Variants in ZNF717 observed in about 807,000 individuals in gnomAD.
ZNF717 encodes zinc finger protein 717.
Under a neutral mutation model 13.8 loss-of-function variants are expected in ZNF717, and 9 were observed. The observed-to-expected ratio is 0.65, with a 90% CI of 0.39 to 1.14. The LOEUF is 1.14. Ranked by LOEUF, ZNF717 falls within the 50% of genes most tolerant of loss-of-function variation. The pLI, the probability that ZNF717 is intolerant of heterozygous loss-of-function variation, is 0.01. For missense variants in ZNF717, 1,040 were observed against 1,080.7 expected, an observed-to-expected ratio of 0.96 and a Z score of 0.53; for synonymous variants, 327 against 364.1, an observed-to-expected ratio of 0.90 and a Z score of 1.16.
At chr3:75,761,607 G>GATGT (rs1404015568) in intron 2 of ZNF717, among the ~76,000 whole-genome samples, 6 of 152,244 alleles carry the variant, frequency 3.9e-5, no homozygotes, top group African/African-American at 1.4e-4. Context: ...CAGACAACAG[G>GATGT]ATGTAATGTG....
chr3:75,720,286 C>A (rs1311482990), intron 4 of ZNF717, among the ~76,000 whole-genome samples: 48 of 152,206 alleles, frequency 3.2e-4, no homozygotes, highest in African/African-American at 1.1e-3. Flanking sequence ...ATATGTACAC[C>A]ATGGAATACT....
chr3:75,761,716 C>T (rs1416881956), intron 2 of ZNF717, among the ~76,000 whole-genome samples: 1 of 152,182 alleles, frequency 6.6e-6, no homozygotes, highest in African/African-American at 2.4e-5. Context: ...TTTCTGTAAA[C>T]TAACAATGAA....
downstream of ZNF717, among the ~76,000 whole-genome samples, chr3:75,731,092 T>C (rs1938510912): frequency 6.6e-6 from 1 of 151,800 alleles, no homozygotes. Context: ...AATACAAAAA[T>C]TAGGCTGGGC....
intron 2 of ZNF717, among the ~76,000 whole-genome samples, chr3:75,758,486 CTTAG>C (rs201440911): frequency 0.16 from 24,238 of 152,020 alleles, 1,899 homozygotes; most frequent in Non-Finnish European, 0.17. Context: ...AATACATAAA[CTTAG>C]TTGGTACAGC....
rs150000182 is a variant in ZNF717, at chr3:75,781,006, T to C, written c.57+2300A>G. On this transcript the variant is annotated intron_variant, in intron 2 of 4. Coordinates refer to ENST00000652011, the MANE Select transcript of ZNF717 (RefSeq NM_001290208.3). ...CAAGTAAGTACATTTGCAATGGTAA[T>C]AGTGACACCAGTGACTGAAGTTTTG... Among the ~76,000 whole-genome samples, 81 of 152,364 alleles carry C rather than the reference T, an allele frequency of 5.3e-4. No individual in the cohort carries two copies. The Middle Eastern group carries it at 0.01, about 19-fold the overall frequency.
downstream of ZNF717, among the ~76,000 whole-genome samples, chr3:75,731,004 A>C (rs1938503865): frequency 6.6e-6 from 1 of 151,890 alleles, no homozygotes; most frequent in Non-Finnish European, 1.5e-5. Flanking sequence ...ACTTTGGGAG[A>C]CCGAGGTGGG....
intron 2 of ZNF717, among the ~76,000 whole-genome samples, chr3:75,777,345 C>A (rs1330094005): frequency 4.0e-5 from 6 of 151,082 alleles, no homozygotes; most frequent in African/African-American, 1.5e-4. Context: ...AACCAGAAAC[C>A]AAAAACAAAT....
In ZNF717 at chr3:75,750,916, G is replaced by A. The variant is rs374892313; in HGVS notation, c.58-9180C>T. Among the ~76,000 whole-genome samples, 288 of 125,334 alleles carry A rather than the reference G, an allele frequency of 2.3e-3. 3 individuals are homozygous for A. Among genetic ancestry groups the A allele is most frequent in the African/African-American group, 7.4e-3 (254 of 34,136 alleles). 82.2% of individuals were successfully genotyped at this position (125,334 alleles called of 152,430 possible). A position where few individuals can be genotyped will look rare whatever the true frequency, so the allele number is the denominator to read the frequency against. On this transcript the variant is annotated intron_variant, in intron 2 of 4. Coordinates refer to ENST00000652011, the MANE Select transcript of ZNF717 (RefSeq NM_001290208.3). Reference sequence around the variant, plus strand: ...TCATGGGATTCCAGAACACTGTTACGAGGGTTTGAATGTTTGTCCCTCACA... The same window carrying A: ...TCATGGGATTCCAGAACACTGTTACAAGGGTTTGAATGTTTGTCCCTCACA...
At chr3:75,756,684 G>GT (rs1008221594) in intron 2 of ZNF717, among the ~76,000 whole-genome samples, 7 of 53,762 alleles carry the variant, frequency 1.3e-4, no homozygotes, top group East Asian at 4.5e-4. Context: ...TTTTTTTTCT[G>GT]TTTTTTTGAG....
At chr3:75,717,625 C>T (rs1417073608) in intron 4 of ZNF717, among the ~76,000 whole-genome samples, 2 of 152,060 alleles carry the variant, frequency 1.3e-5, no homozygotes, top group African/African-American at 4.8e-5. Flanking sequence ...GTGTGAGTGC[C>T]GGCATGTTGA....
rs1341200470 is a variant in ZNF717, at chr3:75,737,927, T to A, written c.1696A>T (p.Asn566Tyr). The A allele has an allele frequency of 1.0e-5, 16 of 1,550,952 alleles. No homozygotes were observed. The highest frequency in any genetic ancestry group is 1.4e-5 in the Non-Finnish European group (16 of 1,146,342). The change falls in exon 5 of 5, where the codon AAT becomes TAT. Residue 566 changes from asparagine (N) to tyrosine (Y), a missense_variant. Around this residue, in one of 3 missense-constraint regions of ZNF717, gnomAD observed 873 missense variants for 832.8 expected, o/e 1.05. Coordinates refer to ENST00000652011, the MANE Select transcript of ZNF717 (RefSeq NM_001290208.3). ...THTGEKPYEC[N>Y]ECGKSFHCKS... is the part of the protein sequence containing the mutation. ...CAGTGAAAGGATTTTCCACATTCATTACATTCATAGGGTTTTTCCCCTGTG... is the reference window on the plus strand; with the variant it reads ...CAGTGAAAGGATTTTCCACATTCATAACATTCATAGGGTTTTTCCCCTGTG...
At chr3:75,782,116 G>A (rs867860534) in intron 2 of ZNF717, among the ~76,000 whole-genome samples, 9 of 152,232 alleles carry the variant, frequency 5.9e-5, no homozygotes, top group African/African-American at 1.4e-4. Context: ...GCTCGGATAC[G>A]ACAGTTTCAA....
downstream of ZNF717, chr3:75,732,035 G>T (rs75946221): frequency 1.6e-5 from 11 of 702,496 alleles, no homozygotes; most frequent in East Asian, 2.7e-4. Flanking sequence ...CCAGTTATGA[G>T]GGAGCATAAT....
chr3:75,701,547 C>G (rs1254893672), intron 6 of ZNF717, among the ~76,000 whole-genome samples: 284 of 144,472 alleles, frequency 2.0e-3, no homozygotes, highest in African/African-American at 7.0e-3. Flanking sequence ...CAAAATTTAG[C>G]TGGGTGTGCG....
downstream of ZNF717, among the ~76,000 whole-genome samples, chr3:75,734,822 T>A (rs1293553802): frequency 0.02 from 641 of 31,946 alleles, 2 homozygotes; most frequent in African/African-American, 0.063. Flanking sequence ...TATATATTTT[T>A]TTTTTTTTTT....
At chr3:75,731,152 G>A (rs1293167774), downstream of ZNF717, among the ~76,000 whole-genome samples, 2 of 151,244 alleles carry the variant, frequency 1.3e-5, no homozygotes, top group Non-Finnish European at 2.9e-5. Context: ...TGAGGTGGGT[G>A]GATCACATGA....
intron 2 of ZNF717, among the ~76,000 whole-genome samples, chr3:75,782,400 G>A (rs559305469): frequency 6.6e-6 from 1 of 152,294 alleles, no homozygotes; most frequent in East Asian, 1.9e-4. Flanking sequence ...CATGAATCAA[G>A]GAGCACCTCC....
intron 6 of ZNF717, among the ~76,000 whole-genome samples, chr3:75,702,029 T>C (rs374152088): frequency 6.6e-6 from 1 of 152,290 alleles, no homozygotes; most frequent in Non-Finnish European, 1.5e-5. Context: ...TTGTACACTG[T>C]TGTTGGGAGC....
chr3:75,700,306 T>C (rs558907566), intron 6 of ZNF717, among the ~76,000 whole-genome samples: 64 of 152,068 alleles, frequency 4.2e-4, no homozygotes, highest in Middle Eastern at 3.4e-3. Context: ...AGGCAGAGAA[T>C]TGCTTGAACC....
Sources: gnomAD v4.1 joint callset for allele counts (sites outside exome capture counted in the v4.1 genomes callset) on GRCh38, gnomAD v4.1.1 for gene constraint, gnomAD v4.1.1 regional missense constraint, MANE v1.5 for transcripts, NCBI Gene and HGNC (gene_info 2026-07-23, HGNC 2026-07-21) for gene names.